The following CALN1 variants were observed in gnomAD, a reference collection of about 807,000 sequenced individuals.
CALN1 encodes calcium-binding protein 8.
Under a neutral mutation model 30.6 loss-of-function variants are expected in CALN1, and 17 were observed. The observed-to-expected ratio is 0.56, with a 90% CI of 0.38 to 0.83. The LOEUF (loss-of-function observed/expected upper bound fraction) is 0.83, where lower values mean the gene tolerates loss of function less well. Ranked by LOEUF, CALN1 falls within the 40% of genes least tolerant of loss-of-function variation. The pLI is 0.00. For missense variants in CALN1, 291 were observed against 354.9 expected (o/e 0.82, Z 1.45); for synonymous variants, 156 against 131.4 (o/e 1.19, Z -1.28).
chr7:72,318,255 C>T (rs186209337), intron 2 of CALN1, among the ~76,000 whole-genome samples: 55 of 152,318 alleles, frequency 3.6e-4, no homozygotes, highest in African/African-American at 1.3e-3. Flanking sequence ...ATTTTCTCTT[C>T]TGCTAATTCT....
chr7:72,364,014 C>T (rs899623230), intron 2 of CALN1, among the ~76,000 whole-genome samples: 5 of 151,362 alleles, frequency 3.3e-5, no homozygotes, highest in Non-Finnish European at 5.9e-5. Flanking sequence ...GGATTACAGG[C>T]GTGAGCCACG....
chr7:71,847,338 G>A (rs1456304860), intron 5 of CALN1, among the ~76,000 whole-genome samples: 1 of 151,944 alleles, frequency 6.6e-6, no homozygotes, highest in Non-Finnish European at 1.5e-5. Flanking sequence ...TAAGTCTCAT[G>A]AGACCTGATG....
intron 3 of CALN1, among the ~76,000 whole-genome samples, chr7:72,227,603 G>A (rs1474231661): frequency 6.6e-6 from 1 of 151,578 alleles, no homozygotes; most frequent in East Asian, 1.9e-4. Flanking sequence ...GGTTGTGGGG[G>A]GTGGGCAAAG....
chr7:72,200,734 TG>T (rs1409748234), intron 3 of CALN1, among the ~76,000 whole-genome samples: 3 of 152,174 alleles, frequency 2.0e-5, no homozygotes, highest in African/African-American at 7.2e-5. Flanking sequence ...TGATGATGGC[TG>T]TTTTTCAAGT....
intron 5 of CALN1, among the ~76,000 whole-genome samples, chr7:71,935,417 G>C (rs1277598875): frequency 2.0e-5 from 3 of 152,162 alleles, no homozygotes; most frequent in African/African-American, 7.2e-5. Context: ...AATTAGCAGT[G>C]GTAGATGGAT....
intron 4 of CALN1, among the ~76,000 whole-genome samples, chr7:72,066,183 C>A (rs550054285): frequency 2.6e-5 from 4 of 152,298 alleles, no homozygotes; most frequent in African/African-American, 9.6e-5. Flanking sequence ...GTGTTGGATT[C>A]GGCCTAATTG....
At chr7:72,165,004 CT>C (rs1488144673) in intron 3 of CALN1, among the ~76,000 whole-genome samples, 2 of 152,108 alleles carry the variant, frequency 1.3e-5, no homozygotes, top group African/African-American at 2.4e-5. Context: ...CAAGTATATA[CT>C]TTTAAGTGGT....
At chr7:72,012,393 G>T (rs1390988624) in intron 5 of CALN1, among the ~76,000 whole-genome samples, 3 of 152,072 alleles carry the variant, frequency 2.0e-5, no homozygotes, top group Non-Finnish European at 4.4e-5. Context: ...GGTGCCTGTA[G>T]TGCCAGCTAC....
At chr7:72,142,758 G>A (rs1295862687) in intron 3 of CALN1, among the ~76,000 whole-genome samples, 2 of 152,114 alleles carry the variant, frequency 1.3e-5, no homozygotes, top group African/African-American at 4.8e-5. Flanking sequence ...ACACGGCTGG[G>A]TACCCCTCTG....
At chr7:72,385,984 T>A (rs1271274501) in intron 2 of CALN1, among the ~76,000 whole-genome samples, 1 of 152,192 alleles carries the variant, frequency 6.6e-6, no homozygotes, top group African/African-American at 2.4e-5. Flanking sequence ...AGACACGGAT[T>A]GATCTTAAAT....
chr7:72,138,260 C>G (rs901393710), intron 3 of CALN1, among the ~76,000 whole-genome samples: 1 of 151,850 alleles, frequency 6.6e-6, no homozygotes, highest in Non-Finnish European at 1.5e-5. Flanking sequence ...GATGCTAATT[C>G]TAGATGATCA....
intron 1 of CALN1, among the ~76,000 whole-genome samples, chr7:72,446,638 G>A (rs1439045042): frequency 1.3e-5 from 2 of 152,160 alleles, no homozygotes; most frequent in African/African-American, 4.8e-5. Flanking sequence ...TTCTGACCGA[G>A]TGGCAGGGCA....
At chr7:72,348,711 G>C (rs947088999) in intron 2 of CALN1, among the ~76,000 whole-genome samples, 1 of 152,190 alleles carries the variant, frequency 6.6e-6, no homozygotes, top group Non-Finnish European at 1.5e-5. Flanking sequence ...CCCCTTCCTG[G>C]TAGCAGGAAT....
intron 2 of CALN1, among the ~76,000 whole-genome samples, chr7:72,299,263 A>G (rs959754995): frequency 1.3e-5 from 2 of 152,202 alleles, no homozygotes; most frequent in Non-Finnish European, 2.9e-5. Flanking sequence ...TCAGGCAGAG[A>G]AATTACCATG....
intron 1 of CALN1, among the ~76,000 whole-genome samples, chr7:72,435,272 AGGGAAGGGGAAG>A (rs1392326229): frequency 6.6e-6 from 1 of 151,332 alleles, no homozygotes; most frequent in Non-Finnish European, 1.5e-5. Flanking sequence ...AAGAAAGGGA[AGGGAAGGGGAAG>A]GGGAAGGGGA....
At chr7:71,938,944 T>C (rs1028335343) in intron 5 of CALN1, among the ~76,000 whole-genome samples, 74 of 152,094 alleles carry the variant, frequency 4.9e-4, no homozygotes, top group African/African-American at 1.7e-3. Flanking sequence ...TGTCAATGCC[T>C]TCATCATCAA....
chr7:72,450,444 G>T (rs558326860), upstream of CALN1, among the ~76,000 whole-genome samples: 1 of 152,258 alleles, frequency 6.6e-6, no homozygotes, highest in South Asian at 2.1e-4. Flanking sequence ...AAGTAAAGTG[G>T]ACTCAGGTCA....
intron 2 of CALN1, among the ~76,000 whole-genome samples, chr7:72,402,644 A>C (rs1806420818): frequency 6.6e-6 from 1 of 152,222 alleles, no homozygotes; most frequent in South Asian, 2.1e-4. Context: ...AAAAAGAGCA[A>C]GATCAAAAAC....
At chr7:72,247,069 AT>A (rs1434319728) in intron 3 of CALN1, among the ~76,000 whole-genome samples, 2 of 150,168 alleles carry the variant, frequency 1.3e-5, no homozygotes, top group East Asian at 4.1e-4. Context: ...TACCAGAACA[AT>A]TTTTATATAA....
Sources: allele counts gnomAD v4.1 joint callset (sites outside exome capture counted in the v4.1 genomes callset), GRCh38; gene constraint gnomAD v4.1.1; transcripts MANE v1.5; gene names NCBI Gene and HGNC (gene_info 2026-07-23, HGNC 2026-07-21).